KLF6: variants seen among roughly 807,000 people sequenced by gnomAD.
KLF6 encodes KLF transcription factor 6.
For missense variants in KLF6, 233 were observed against 359.8 expected, an observed-to-expected ratio of 0.65 and a Z score of 2.85; for synonymous variants, 152 against 147.9, an observed-to-expected ratio of 1.03 and a Z score of -0.20.
chr10:3,785,122 C>A lies in KLF6; in HGVS notation c.-108G>T. 1 of 1,558,648 alleles carries A rather than the reference C, an allele frequency of 6.4e-7. No homozygotes were observed. The highest frequency in any genetic ancestry group is 1.4e-5 in the African/African-American group (1 of 73,736). ...CGCAGGTGAAAGTTTCATGCAAACT[C>A]CAGGCTCGCAGAGACGCCCGGCCGG... On this transcript the variant is annotated 5_prime_UTR_variant, in exon 1 of 4. Coordinates refer to ENST00000497571, the MANE Select transcript of KLF6 (RefSeq NM_001300.6).
rs763864596 is a variant in KLF6, at chr10:3,785,041, G to T, written c.-27C>A. 1 of 1,610,632 alleles carries T rather than the reference G, an allele frequency of 6.2e-7. No individual in the cohort carries two copies. Among genetic ancestry groups the T allele is most frequent in the Non-Finnish European group, 8.5e-7 (1 of 1,178,562 alleles). Reference sequence around the variant, plus strand: ...TCGGGCCGGGTTGGACGGAGCCCGCGGTCGCGAGGGCGGCGAGGCGCGCGG... The same window carrying T: ...TCGGGCCGGGTTGGACGGAGCCCGCTGTCGCGAGGGCGGCGAGGCGCGCGG... On this transcript the variant is annotated 5_prime_UTR_variant, in exon 1 of 4. Coordinates refer to ENST00000497571, the MANE Select transcript of KLF6 (RefSeq NM_001300.6).
rs1321845948 is a variant in KLF6, at chr10:3,781,195, C to T, written c.676+446G>A. ...GCTTACAGAGCAGGCCGGTCCCACT[C>T]GGGCCTCGGGCCGTCAGCATCAAAC... On this transcript the variant is annotated intron_variant, in intron 2 of 3. Transcript: ENST00000497571. This position sits in a 1 kb window ranked among gnomAD's most constrained non-coding sequence, Gnocchi z 5.8. 3 of 383,268 alleles carry T rather than the reference C, an allele frequency of 7.8e-6. No homozygotes were observed. The highest frequency in any genetic ancestry group is 1.4e-5 in the Non-Finnish European group (3 of 212,746). 23.7% of individuals were successfully genotyped at this position (383,268 alleles called of 1,614,324 possible).
rs1234937026 is a variant in KLF6, at chr10:3,785,208, G to A, written c.-194C>T. On this transcript the variant is annotated 5_prime_UTR_variant, in exon 1 of 4. Coordinates refer to ENST00000497571, the MANE Select transcript of KLF6 (RefSeq NM_001300.6). ...AATATTTGCAAACACCGGACTGACTGCAAACGTAACCCCTGCAAAACTTCC... is the reference window on the plus strand; with the variant it reads ...AATATTTGCAAACACCGGACTGACTACAAACGTAACCCCTGCAAAACTTCC... 2.5e-6 allele frequency: 3 copies of A among 1,200,088 alleles called. No individual in the cohort carries two copies. The highest frequency in any genetic ancestry group is 3.0e-5 in the African/African-American group (2 of 66,540). 74.3% of individuals were successfully genotyped at this position (1,200,088 alleles called of 1,614,324 possible). A position where few individuals can be genotyped will look rare whatever the true frequency, so the allele number is the denominator to read the frequency against.
At chr10:3,784,015 A>AGT (rs1832591524) in intron 1 of KLF6, among the ~76,000 whole-genome samples, 1 of 152,188 alleles carries the variant, frequency 6.6e-6, no homozygotes, top group Non-Finnish European at 1.5e-5. Flanking sequence ...CATCTTCCTT[A>AGT]AAGCTTTCGA....
Position 3,777,463 on chromosome 10 carries a change from C to G in KLF6, c.*2076G>C, listed in dbSNP as rs1277447055. On this transcript the variant is annotated 3_prime_UTR_variant, in exon 4 of 4. Coordinates refer to ENST00000497571, the MANE Select transcript of KLF6 (RefSeq NM_001300.6). ...TTCAAAATCAAAACCTTAGTGTGTC[C>G]GAGTCCAGCCTGGGTTCCAGCATTC... The G allele has an allele frequency of 3.9e-6, 2 of 510,956 alleles. No individual in the cohort carries two copies. The highest frequency in any genetic ancestry group is 3.8e-5 in the African/African-American group (2 of 52,532). 31.7% of individuals were successfully genotyped at this position (510,956 alleles called of 1,614,324 possible). A position where few individuals can be genotyped will look rare whatever the true frequency, so the allele number is the denominator to read the frequency against.
At position 3,778,154 on chromosome 10, in the gene KLF6, G is replaced by C; in HGVS notation, c.*1385C>G. ...GAGTTTCACTCTATGTCTTTGTGAA[G>C]GAGGACCTTAAAGAGATTTTTTTTC... On this transcript the variant is annotated 3_prime_UTR_variant, in exon 4 of 4. Transcript: ENST00000497571. 1.9e-6 allele frequency: 1 copy of C among 520,792 alleles called. No individual in the cohort carries two copies. The highest frequency in any genetic ancestry group is 3.7e-6 in the Non-Finnish European group (1 of 267,768). 32.3% of individuals were successfully genotyped at this position (520,792 alleles called of 1,614,324 possible).
At chr10:3,784,485 G>A (rs368564614) in intron 1 of KLF6, among the ~76,000 whole-genome samples, 152 of 152,146 alleles carry the variant, frequency 1.0e-3, no homozygotes, top group African/African-American at 3.5e-3. Context: ...ATAAAAGAGA[G>A]CTGGTCTACG....
At chr10:3,784,521 T>A (rs138291992) in intron 1 of KLF6, among the ~76,000 whole-genome samples, 2,098 of 149,970 alleles carry the variant, frequency 0.014, 52 homozygotes, top group African/African-American at 0.047. Flanking sequence ...GTGATTTTTT[T>A]AAAAAACTGT....
Position 3,781,355 on chromosome 10 carries a change from T to TA in KLF6, c.676+285dup. On this transcript the variant is annotated intron_variant, in intron 2 of 3. Transcript: ENST00000497571. This position sits in a 1 kb window ranked among gnomAD's most constrained non-coding sequence, Gnocchi z 5.8. ...AGTGGCCTCGGATCCCCAGCACTACTAAGGGGTGGGGGGTGGAGGTTTGGG... is the reference window on the plus strand; with the variant it reads ...AGTGGCCTCGGATCCCCAGCACTACTAAAGGGGTGGGGGGTGGAGGTTTGGG... 7.3e-7 allele frequency: 1 copy of TA among 1,374,316 alleles called. No individual in the cohort carries two copies. The highest frequency in any genetic ancestry group is 2.6e-4 in the Middle Eastern group (1 of 3,880). The allele number at this position is 1,374,316 out of a possible 1,614,324, so 85.1% of individuals were successfully genotyped here. A position where few individuals can be genotyped will look rare whatever the true frequency, so the allele number is the denominator to read the frequency against.
chr10:3,779,009 G>A lies in KLF6; in HGVS notation c.*530C>T, dbSNP rs1001107150. On this transcript the variant is annotated 3_prime_UTR_variant, in exon 4 of 4. Transcript: ENST00000497571. ...CTGAGTTCCCACGCCCACCCTCCAAGATTTTCCTTCTTTTTTTGTTTTTGT... is the reference window on the plus strand; with the variant it reads ...CTGAGTTCCCACGCCCACCCTCCAAAATTTTCCTTCTTTTTTTGTTTTTGT... The A allele has an allele frequency of 1.9e-6, 1 of 530,622 alleles. No homozygotes were observed. Among genetic ancestry groups the A allele is most frequent in the East Asian group, 3.9e-5 (1 of 25,744 alleles). The allele number at this position is 530,622 out of a possible 1,614,324, so 32.9% of individuals were successfully genotyped here. A position where few individuals can be genotyped will look rare whatever the true frequency, so the allele number is the denominator to read the frequency against.
rs1332590608 is a variant in KLF6 at position 3,777,457 on chromosome 10, T to C, written c.*2082A>G. The stretch of plus-strand genomic sequence containing the variant: ...CTGAAATTCAAAATCAAAACCTTAG[T>C]GTGTCCGAGTCCAGCCTGGGTTCCA... On this transcript the variant is annotated 3_prime_UTR_variant, in exon 4 of 4. Transcript: ENST00000497571. The C allele has an allele frequency of 3.9e-6, 2 of 511,248 alleles. No homozygotes were observed. Among genetic ancestry groups the C allele is most frequent in the South Asian group, 3.1e-5 (2 of 64,980 alleles). 31.7% of individuals were successfully genotyped at this position (511,248 alleles called of 1,614,324 possible).
chr10:3,778,405 TTTATCCACCCAAC>T lies in KLF6; in HGVS notation c.*1121_*1133del, dbSNP rs771947874. The T allele has an allele frequency of 3.8e-6, 2 of 525,322 alleles. No individual in the cohort carries two copies. Among genetic ancestry groups the T allele is most frequent in the South Asian group, 3.1e-5 (2 of 65,084 alleles). The allele number at this position is 525,322 out of a possible 1,614,324, so 32.5% of individuals were successfully genotyped here. A position where few individuals can be genotyped will look rare whatever the true frequency, so the allele number is the denominator to read the frequency against. On this transcript the variant is annotated 3_prime_UTR_variant, in exon 4 of 4. Coordinates refer to ENST00000497571, the MANE Select transcript of KLF6 (RefSeq NM_001300.6). ...AAAACAGTTTCTAAGCGTTAGTGGT[TTTATCCACCCAAC>T]TGAGAAAAATTTTAGGTTCTTAAGT...
intron 1 of KLF6, among the ~76,000 whole-genome samples, chr10:3,783,975 G>A (rs1282459422): frequency 6.6e-6 from 1 of 152,174 alleles, no homozygotes; most frequent in African/African-American, 2.4e-5. Context: ...CAATTAAGCA[G>A]GCGTGTGAAG....
At position 3,780,286 on chromosome 10, in the gene KLF6, G is replaced by C. The variant is rs1480603004; in HGVS notation, c.677-57C>G. On this transcript the variant is annotated intron_variant, in intron 2 of 3. Coordinates refer to ENST00000497571, the MANE Select transcript of KLF6 (RefSeq NM_001300.6). This position sits in a 1 kb window ranked among gnomAD's most constrained non-coding sequence, Gnocchi z 4.6. ...GACTTCACTGACCCGCAGACGGAAA[G>C]GGGAAATTCAACAACACACACAGTG... 16 of 1,605,728 alleles carry C rather than the reference G, an allele frequency of 1.0e-5. No homozygotes were observed. The highest frequency in any genetic ancestry group is 1.6e-4 in the Middle Eastern group (1 of 6,078).
At position 3,779,505 on chromosome 10, in the gene KLF6, C is replaced by A. The variant is rs199933548; in HGVS notation, c.*34G>T. ...CCACGGCCGGCTCTCAGCCTGGAAG[C>A]CTTTTAGCCTACAGGATCCACCTCT... On this transcript the variant is annotated 3_prime_UTR_variant, in exon 4 of 4. Transcript: ENST00000497571. 6.3e-6 allele frequency: 10 copies of A among 1,584,724 alleles called. No homozygotes were observed. The African/African-American group carries it at 1.2e-4, about 19-fold the overall frequency.
rs1249089427 is a variant in KLF6 at position 3,780,258 on chromosome 10, CA to C, written c.677-30del. 1 of 1,612,222 alleles carries C rather than the reference CA, an allele frequency of 6.2e-7. No individual in the cohort carries two copies. The highest frequency in any genetic ancestry group is 2.2e-5 in the East Asian group (1 of 44,888). The stretch of plus-strand genomic sequence containing the variant: ...GGGAGAGAGCACAGGACAAGCAGCC[CA>C]TGACTTCACTGACCCGCAGACGGAA... On this transcript the variant is annotated intron_variant, in intron 2 of 3. Coordinates refer to ENST00000497571, the MANE Select transcript of KLF6 (RefSeq NM_001300.6). The surrounding 1 kb of genome is among the most constrained non-coding windows in gnomAD (Gnocchi z 4.6).
intron 1 of KLF6, among the ~76,000 whole-genome samples, chr10:3,784,504 G>T (rs747282993): frequency 3.3e-5 from 5 of 151,614 alleles, no homozygotes; most frequent in Non-Finnish European, 5.9e-5. Flanking sequence ...CGTTCTGGGG[G>T]CAAAATGTGA....
chr10:3,784,905 G>A lies in KLF6; in HGVS notation c.102+8C>T, dbSNP rs776817595. ...CGCCCGCAGGGAACCGCGGCCGGCTGCGTTTACCTGTTGCCAGTACTCCTC... is the reference window on the plus strand; with the variant it reads ...CGCCCGCAGGGAACCGCGGCCGGCTACGTTTACCTGTTGCCAGTACTCCTC... On this transcript the variant is annotated splice_region_variant and intron_variant, in intron 1 of 3. Coordinates refer to ENST00000497571, the MANE Select transcript of KLF6 (RefSeq NM_001300.6). 1.3e-6 allele frequency: 2 copies of A among 1,598,162 alleles called. No homozygotes were observed. The highest frequency in any genetic ancestry group is 3.5e-5 in the Admixed American group (2 of 57,932).
Position 3,781,196 on chromosome 10 carries a change from G to A in KLF6, c.676+445C>T, listed in dbSNP as rs1305005910. The A allele has an allele frequency of 1.1e-5, 4 of 378,230 alleles. No individual in the cohort carries two copies. The East Asian group carries it at 1.8e-4, about 17-fold the overall frequency. 23.4% of individuals were successfully genotyped at this position (378,230 alleles called of 1,614,324 possible). A position where few individuals can be genotyped will look rare whatever the true frequency, so the allele number is the denominator to read the frequency against. On this transcript the variant is annotated intron_variant, in intron 2 of 3. Coordinates refer to ENST00000497571, the MANE Select transcript of KLF6 (RefSeq NM_001300.6). The surrounding 1 kb of genome is among the most constrained non-coding windows in gnomAD (Gnocchi z 5.8). ...CTTACAGAGCAGGCCGGTCCCACTC[G>A]GGCCTCGGGCCGTCAGCATCAAACC...
Sources: gnomAD v4.1 joint callset for allele counts (sites outside exome capture counted in the v4.1 genomes callset) on GRCh38, gnomAD v4.1.1 for gene constraint, Gnocchi (gnomAD v3.1) non-coding constraint, MANE v1.5 for transcripts, NCBI Gene and HGNC (gene_info 2026-07-23, HGNC 2026-07-21) for gene names.